The following CAV3 variants were observed in gnomAD, a reference collection of about 807,000 sequenced individuals.
CAV3 encodes caveolin-3.
CAV3 carries 10 observed loss-of-function variants against 13.4 expected under a neutral mutation model. The ratio of observed to expected loss-of-function variants is 0.75; its 90% CI spans 0.46 to 1.27. The LOEUF is 1.27. Ranked by LOEUF, CAV3 falls within the 50% of genes most tolerant of loss-of-function variation. CAV3 has a pLI of 0.00. For synonymous variants in CAV3, 90 were observed against 79.0 expected (o/e 1.14, Z -0.74); for missense variants, 162 against 194.0 (o/e 0.83, Z 0.98).
At chr3:8,738,122 C>T (rs1051026220) in intron 1 of CAV3, among the ~76,000 whole-genome samples, 4 of 152,126 alleles carry the variant, frequency 2.6e-5, no homozygotes, top group Admixed American at 2.0e-4. Context: ...GGCCCTAAAG[C>T]AGTGATGCTT....
intron 1 of CAV3, among the ~76,000 whole-genome samples, chr3:8,738,499 G>C (rs138514616): frequency 3.5e-4 from 53 of 152,326 alleles, no homozygotes; most frequent in African/African-American, 1.2e-3. Flanking sequence ...GGAGAACAAT[G>C]AGAACATACA....
At chr3:8,744,755 G>C (rs1003559014) in intron 1 of CAV3, 1 of 152,162 alleles carries the variant, frequency 6.6e-6, no homozygotes, top group Non-Finnish European at 1.5e-5. Flanking sequence ...GCATACGACC[G>C]TCCAACACCC....
chr3:8,745,465 C>A lies in CAV3; in HGVS notation c.115-61C>A. The A allele has an allele frequency of 1.5e-6, 2 of 1,374,860 alleles. No homozygotes were observed. Among genetic ancestry groups the A allele is most frequent in the African/African-American group, 1.4e-5 (1 of 69,640 alleles). 85.2% of individuals were successfully genotyped at this position (1,374,860 alleles called of 1,614,324 possible). A position where few individuals can be genotyped will look rare whatever the true frequency, so the allele number is the denominator to read the frequency against. On this transcript the variant is annotated intron_variant, in intron 1 of 1. Coordinates refer to ENST00000343849, the MANE Select transcript of CAV3 (RefSeq NM_033337.3). The surrounding 1 kb of genome is among the most constrained non-coding windows in gnomAD (Gnocchi z 4.8). ...GATTCTGACACATGCACGCACACAC[C>A]CAAAAGCTTGAGAAGCGGGTGGCTT...
chr3:8,742,133 G>C (rs1049145127), intron 1 of CAV3, among the ~76,000 whole-genome samples: 1 of 152,134 alleles, frequency 6.6e-6, no homozygotes, highest in Non-Finnish European at 1.5e-5. Context: ...AGAGCTGCCT[G>C]AGCCGGGCCT....
intron 1 of CAV3, among the ~76,000 whole-genome samples, chr3:8,738,465 T>A (rs1327625815): frequency 6.6e-6 from 1 of 152,164 alleles, no homozygotes; most frequent in Non-Finnish European, 1.5e-5. Flanking sequence ...TGGCGGGGAA[T>A]CCATTCCTGG....
Position 8,733,834 on chromosome 3 carries a change from C to A in CAV3, c.-43C>A. 3 of 1,252,162 alleles carry A rather than the reference C, an allele frequency of 2.4e-6. No individual in the cohort carries two copies. The highest frequency in any genetic ancestry group is 2.3e-6 in the Non-Finnish European group (2 of 851,546). The allele number at this position is 1,252,162 out of a possible 1,614,324, so 77.6% of individuals were successfully genotyped here. A position where few individuals can be genotyped will look rare whatever the true frequency, so the allele number is the denominator to read the frequency against. On this transcript the variant is annotated 5_prime_UTR_variant, in exon 1 of 2. Transcript: ENST00000343849. ...CCAAGTATTTTCAGCCCCAGCCGGCCACACAGCTCGGATCTCCTCCTGTGG... is the reference window on the plus strand; with the variant it reads ...CCAAGTATTTTCAGCCCCAGCCGGCAACACAGCTCGGATCTCCTCCTGTGG...
intron 1 of CAV3, among the ~76,000 whole-genome samples, chr3:8,735,698 C>G (rs751748700): frequency 2.0e-5 from 3 of 152,218 alleles, no homozygotes; most frequent in Non-Finnish European, 4.4e-5. Context: ...CCAACACAAT[C>G]TGGCCCCAAC....
chr3:8,744,995 T>A (rs1045894569), intron 1 of CAV3: 1 of 155,932 alleles, frequency 6.4e-6, no homozygotes, highest in African/African-American at 2.4e-5. Flanking sequence ...GGCGATGATA[T>A]GGTCTGGATC....
In CAV3 at chr3:8,733,892, C is replaced by T; in HGVS notation, c.16C>T (p.His6Tyr). ...CAGCTCTGCGATGATGGCAGAAGAG[C>T]ACACAGATCTCGAGGCCCAGATCGT... is the stretch of plus-strand genomic sequence containing the variant. Reference protein sequence around the residue: MMAEEHTDLEAQIVKD... With the variant: MMAEEYTDLEAQIVKD... Residue 6 changes from histidine (H) to tyrosine (Y), a missense_variant, in exon 1 of 2, where the codon CAC becomes TAC. Transcript: ENST00000343849. The T allele has an allele frequency of 1.9e-6, 3 of 1,609,854 alleles. No individual in the cohort carries two copies. Among genetic ancestry groups the T allele is most frequent in the Non-Finnish European group, 2.6e-6 (3 of 1,176,184 alleles).
Position 8,742,526 on chromosome 3 carries a change from T to C in CAV3, c.115-3000T>C, listed in dbSNP as rs779357897. On this transcript the variant is annotated intron_variant, in intron 1 of 1. Coordinates refer to ENST00000343849, the MANE Select transcript of CAV3 (RefSeq NM_033337.3). Reference sequence around the variant, plus strand: ...ACTGAGACACACGCAGACTCATTTATAACTAAGTAGGCTGGAGAATAATCC... The same window carrying C: ...ACTGAGACACACGCAGACTCATTTACAACTAAGTAGGCTGGAGAATAATCC... 1.2e-4 allele frequency: 57 copies of C among 456,030 alleles called. 1 individual carries two copies. The highest frequency in any genetic ancestry group is 8.6e-4 in the South Asian group (55 of 64,314). 28.2% of individuals were successfully genotyped at this position (456,030 alleles called of 1,614,324 possible). A position where few individuals can be genotyped will look rare whatever the true frequency, so the allele number is the denominator to read the frequency against.
Position 8,745,293 on chromosome 3 carries a change from A to G in CAV3, c.115-233A>G, listed in dbSNP as rs1329542982. Among the ~76,000 whole-genome samples, 4 of 152,282 alleles carry G rather than the reference A, an allele frequency of 2.6e-5. No individual in the cohort carries two copies. The East Asian group carries it at 5.8e-4, about 22-fold the overall frequency. The stretch of plus-strand genomic sequence containing the variant: ...CTGAAGCCAAGCAGATGCCAGCACC[A>G]TGATTCCTGCACAGATCACAGACCC... On this transcript the variant is annotated intron_variant, in intron 1 of 1. Coordinates refer to ENST00000343849, the MANE Select transcript of CAV3 (RefSeq NM_033337.3). The surrounding 1 kb of genome is among the most constrained non-coding windows in gnomAD (Gnocchi z 4.8).
chr3:8,744,000 G>A (rs1708061570), intron 1 of CAV3, among the ~76,000 whole-genome samples: 1 of 152,100 alleles, frequency 6.6e-6, no homozygotes. Context: ...GCGGGAAAGG[G>A]ACTAACTAAC....
intron 1 of CAV3, among the ~76,000 whole-genome samples, chr3:8,740,147 T>G (rs1707907584): frequency 6.6e-6 from 1 of 152,056 alleles, no homozygotes; most frequent in African/African-American, 2.4e-5. Flanking sequence ...AGTATAAAAG[T>G]GGACTTCTAA....
chr3:8,736,329 T>C (rs1707753489), intron 1 of CAV3, among the ~76,000 whole-genome samples: 3 of 152,152 alleles, frequency 2.0e-5, no homozygotes, highest in African/African-American at 2.4e-5. Flanking sequence ...GTTAGAAATA[T>C]AGCATGAGGA....
chr3:8,734,264 T>G (rs1012352162), intron 1 of CAV3, among the ~76,000 whole-genome samples: 2 of 150,872 alleles, frequency 1.3e-5, no homozygotes. Context: ...ACAAAGAAAA[T>G]CCCTCCTTAC....
chr3:8,737,706 C>T (rs1381450061), intron 1 of CAV3, among the ~76,000 whole-genome samples: 2 of 152,200 alleles, frequency 1.3e-5, no homozygotes, highest in African/African-American at 4.8e-5. Context: ...CTGTTCAGCA[C>T]AGGCAATGTG....
chr3:8,734,574 G>A (rs967901308), intron 1 of CAV3, among the ~76,000 whole-genome samples: 20 of 152,172 alleles, frequency 1.3e-4, no homozygotes, highest in Admixed American at 5.9e-4. Context: ...CGGGACCCTC[G>A]AAGAGAAAGC....
chr3:8,745,918 G>C lies in CAV3; in HGVS notation c.*51G>C. 6.8e-7 allele frequency: 1 copy of C among 1,472,990 alleles called. No homozygotes were observed. Among genetic ancestry groups the C allele is most frequent in the Non-Finnish European group, 9.3e-7 (1 of 1,070,720 alleles). 91.2% of individuals were successfully genotyped at this position (1,472,990 alleles called of 1,614,324 possible). A position where few individuals can be genotyped will look rare whatever the true frequency, so the allele number is the denominator to read the frequency against. On this transcript the variant is annotated 3_prime_UTR_variant, in exon 2 of 2. Coordinates refer to ENST00000343849, the MANE Select transcript of CAV3 (RefSeq NM_033337.3). This position sits in a 1 kb window ranked among gnomAD's most constrained non-coding sequence, Gnocchi z 4.8. ...AGGGCAGGGGGTGGTGGGCCAGACT[G>C]GTCCCCGGGGGACTTCTTCACAGGG...
intron 1 of CAV3, among the ~76,000 whole-genome samples, chr3:8,738,939 G>C (rs770472165): frequency 6.6e-6 from 1 of 152,200 alleles, no homozygotes; most frequent in African/African-American, 2.4e-5. Flanking sequence ...ATGAACTATC[G>C]AAGAGGATTA....
Sources: allele counts gnomAD v4.1 joint callset (sites outside exome capture counted in the v4.1 genomes callset), GRCh38; gene constraint gnomAD v4.1.1; non-coding constraint Gnocchi (gnomAD v3.1); transcripts MANE v1.5; gene names NCBI Gene and HGNC (gene_info 2026-07-23, HGNC 2026-07-21).